Variants in MKNK2 observed in about 807,000 individuals in gnomAD.
MKNK2 encodes MAP kinase-interacting serine/threonine-protein kinase 2.
A neutral mutation model predicts 55.0 loss-of-function variants in MKNK2; 54 were observed. The observed-to-expected ratio is 0.98, with a 90% CI of 0.79 to 1.23. The LOEUF (loss-of-function observed/expected upper bound fraction) is 1.23. Ranked by LOEUF, MKNK2 falls within the 50% of genes most tolerant of loss-of-function variation. The pLI, the probability that MKNK2 is intolerant of heterozygous loss-of-function variation, is 0.00. For synonymous variants in MKNK2, 323 were observed against 256.0 expected (o/e 1.26, Z -2.50); for missense variants, 685 against 632.1 (o/e 1.08, Z -0.90).
In MKNK2 at chr19:2,038,785, C is replaced by G. The variant is rs2016809630; in HGVS notation, c.*828G>C. ...GGCTGACAGTGCCTGTCCAGCCCCT[C>G]TGCCTGCTGCGGTGGAAACGGCTTC... is the stretch of plus-strand genomic sequence containing the variant. On this transcript the variant is annotated 3_prime_UTR_variant, in exon 14 of 14. Coordinates refer to ENST00000250896, the MANE Select transcript of MKNK2 (RefSeq NM_199054.3). 2 of 985,612 alleles carry G rather than the reference C, an allele frequency of 2.0e-6. No individual in the cohort carries two copies. The highest frequency in any genetic ancestry group is 2.4e-6 in the Non-Finnish European group (2 of 829,868). The allele number at this position is 985,612 out of a possible 1,614,324, so 61.1% of individuals were successfully genotyped here. A position where few individuals can be genotyped will look rare whatever the true frequency, so the allele number is the denominator to read the frequency against.
At chr19:2,043,304 C>T (rs543944780) in intron 6 of MKNK2, 107 bp from the exon 7 acceptor site, 81 of 1,083,828 alleles carry the variant, frequency 7.5e-5, no homozygotes, top group Middle Eastern at 2.1e-4. Flanking sequence ...GCCTGTCCAC[C>T]GGAAGCTGGG....
rs1298969107 is a variant in MKNK2 at position 2,038,254 on chromosome 19, T to G, written c.*1359A>C. The G allele has an allele frequency of 1.0e-6, 1 of 987,590 alleles. No homozygotes were observed. The highest frequency in any genetic ancestry group is 1.8e-5 in the African/African-American group (1 of 57,088). 61.2% of individuals were successfully genotyped at this position (987,590 alleles called of 1,614,324 possible). On this transcript the variant is annotated 3_prime_UTR_variant, in exon 14 of 14. Coordinates refer to ENST00000250896, the MANE Select transcript of MKNK2 (RefSeq NM_199054.3). Reference sequence around the variant, plus strand: ...AAAGTCCATCGATGTGTTGTTTTTTTTTAAGGAAAAACTAAAAAACTAAAC... The same window carrying G: ...AAAGTCCATCGATGTGTTGTTTTTTGTTAAGGAAAAACTAAAAAACTAAAC...
Position 2,042,897 on chromosome 19 carries a change from A to G in MKNK2, c.494-27T>C, listed in dbSNP as rs375287542. 30 of 1,548,468 alleles carry G rather than the reference A, an allele frequency of 1.9e-5. 1 individual carries two copies. The Middle Eastern group carries it at 1.1e-3, about 58-fold the overall frequency. ...TGGGCAGGGCAGGGCAGGGCAGGAC[A>G]GGGGGAACACGCAGGTCACCTCAAA... On this transcript the variant is annotated intron_variant, in intron 7 of 13. Coordinates refer to ENST00000250896, the MANE Select transcript of MKNK2 (RefSeq NM_199054.3).
intron 12 of MKNK2, 164 bp downstream of exon 12, chr19:2,040,876 G>A: frequency 2.8e-6 from 2 of 706,450 alleles, no homozygotes; most frequent in Non-Finnish European, 4.6e-6. Context: ...GGCGGGCGGT[G>A]GGGATTTCGG....
At chr19:2,043,022 G>C in intron 7 of MKNK2, 102 bp downstream of exon 7, 2 of 1,301,280 alleles carry the variant, frequency 1.5e-6, no homozygotes, top group Non-Finnish European at 2.2e-6. Flanking sequence ...CATTTGGGCA[G>C]GACACTCACC....
At chr19:2,040,738 G>C in intron 12 of MKNK2, 1 of 452,524 alleles carries the variant, frequency 2.2e-6, no homozygotes, top group Admixed American at 3.8e-5. Context: ...TGGGGTCTAT[G>C]TGAGCTGGGC....
Position 2,038,569 on chromosome 19 carries a change from ACTGCC to A in MKNK2, c.*1039_*1043del. On this transcript the variant is annotated 3_prime_UTR_variant, in exon 14 of 14. Transcript: ENST00000250896. Reference sequence around the variant, plus strand: ...TTCCTGAAGGTGGCAGACCAAAAACACTGCCCTGGGGGTGAGGATTCGGCCAGACC... The same window carrying A: ...TTCCTGAAGGTGGCAGACCAAAAACACTGGGGGTGAGGATTCGGCCAGACC... 1.0e-6 allele frequency: 1 copy of A among 985,452 alleles called. No individual in the cohort carries two copies. The highest frequency in any genetic ancestry group is 1.2e-6 in the Non-Finnish European group (1 of 829,992). The allele number at this position is 985,452 out of a possible 1,614,324, so 61.0% of individuals were successfully genotyped here. A position where few individuals can be genotyped will look rare whatever the true frequency, so the allele number is the denominator to read the frequency against.
In MKNK2 at chr19:2,038,118, C is replaced by A; in HGVS notation, c.*1495G>T. 9.2e-7 allele frequency: 1 copy of A among 1,090,702 alleles called. No individual in the cohort carries two copies. Among genetic ancestry groups the A allele is most frequent in the Non-Finnish European group, 1.1e-6 (1 of 897,054 alleles). 67.6% of individuals were successfully genotyped at this position (1,090,702 alleles called of 1,614,324 possible). A position where few individuals can be genotyped will look rare whatever the true frequency, so the allele number is the denominator to read the frequency against. On this transcript the variant is annotated 3_prime_UTR_variant, in exon 14 of 14. Coordinates refer to ENST00000250896, the MANE Select transcript of MKNK2 (RefSeq NM_199054.3). ...GCAGAGCACCCCCACGGCCACCGGACTGTGACCATCATACGAGATTCAGGA... is the reference window on the plus strand; with the variant it reads ...GCAGAGCACCCCCACGGCCACCGGAATGTGACCATCATACGAGATTCAGGA...
rs770775499 is a variant in MKNK2, at chr19:2,043,476, G to C, written c.419+27C>G. ...ATCCACTGAAAGACAGCTCAGGCCAGTGCGGTGGCAAGGGTGGCTCACCTA... is the reference window on the plus strand; with the variant it reads ...ATCCACTGAAAGACAGCTCAGGCCACTGCGGTGGCAAGGGTGGCTCACCTA... On this transcript the variant is annotated intron_variant, in intron 6 of 13. Transcript: ENST00000250896. The C allele has an allele frequency of 1.9e-6, 3 of 1,602,190 alleles. No individual in the cohort carries two copies. The African/African-American group carries it at 4.0e-5, about 21-fold the overall frequency.
Position 2,041,125 on chromosome 19 carries a change from T to C in MKNK2, c.1025A>G (p.Lys342Arg). Reference protein sequence around the residue: ...KDWAHISCAAKDLISKLLVRD... With the variant: ...KDWAHISCAARDLISKLLVRD... ...GACCAGCAGCTTGGAGATGAGGTCTTTGGCAGCGCAGGAGATGTGGGCCCA... is the reference window on the plus strand; with the variant it reads ...GACCAGCAGCTTGGAGATGAGGTCTCTGGCAGCGCAGGAGATGTGGGCCCA... The change falls in exon 12 of 14, where the codon AAA (lysine) becomes AGA (arginine). Residue 342 changes from lysine (K) to arginine (R), a missense_variant. By Grantham distance (26) the Lys-to-Arg change is conservative (BLOSUM62 2). Transcript: ENST00000250896. The C allele has an allele frequency of 6.2e-7, 1 of 1,614,018 alleles. No homozygotes were observed. Among genetic ancestry groups the C allele is most frequent in the Non-Finnish European group, 8.5e-7 (1 of 1,179,948 alleles).
At chr19:2,040,460 C>A (rs150482850) in intron 12 of MKNK2, 18 of 450,656 alleles carry the variant, frequency 4.0e-5, no homozygotes, top group Admixed American at 1.2e-4. Flanking sequence ...CCATCTCTCC[C>A]GGCTGTTCCC....
At chr19:2,049,908 G>GACACAC (rs139985045) in intron 2 of MKNK2, among the ~76,000 whole-genome samples, 4 of 151,860 alleles carry the variant, frequency 2.6e-5, no homozygotes, top group Non-Finnish European at 5.9e-5. Context: ...ACAAGACAGA[G>GACACAC]ACACACACAC....
rs771009548 is a variant in MKNK2 at position 2,039,594 on chromosome 19, C to CA, written c.*18dup. ...GATTGGGGGACGGGTGACCTATGTA[C>CA]AGAGGGGAGATGGGAGGGTCAGGCG... On this transcript the variant is annotated 3_prime_UTR_variant, in exon 14 of 14. Transcript: ENST00000250896. The CA allele has an allele frequency of 6.2e-7, 1 of 1,604,086 alleles. No individual in the cohort carries two copies. Among genetic ancestry groups the CA allele is most frequent in the Middle Eastern group, 1.7e-4 (1 of 6,042 alleles).
Position 2,039,165 on chromosome 19 carries a change from T to C in MKNK2, c.*448A>G. 1 of 999,922 alleles carries C rather than the reference T, an allele frequency of 1.0e-6. No homozygotes were observed. The allele number at this position is 999,922 out of a possible 1,614,324, so 61.9% of individuals were successfully genotyped here. A position where few individuals can be genotyped will look rare whatever the true frequency, so the allele number is the denominator to read the frequency against. ...AGCCTGTCCCTGAAATACTGCGGGC[T>C]GGGAGGGAACACGAGGGCAGGGTCC... On this transcript the variant is annotated 3_prime_UTR_variant, in exon 14 of 14. Coordinates refer to ENST00000250896, the MANE Select transcript of MKNK2 (RefSeq NM_199054.3).
Position 2,039,619 on chromosome 19 carries a change from G to T in MKNK2, c.1392C>A (p.His464Gln). Reference protein sequence around the residue: ...SSAPVVLVGDHA With the variant: ...SSAPVVLVGDQA Reference sequence around the variant, plus strand: ...CAGAGGGGAGATGGGAGGGTCAGGCGTGGTCTCCCACCAGGACCACTGGGG... The same window carrying T: ...CAGAGGGGAGATGGGAGGGTCAGGCTTGGTCTCCCACCAGGACCACTGGGG... The change falls in exon 14 of 14, where the codon CAC becomes CAA. Residue 464 changes from histidine to glutamine, a missense_variant. Coordinates refer to ENST00000250896, the MANE Select transcript of MKNK2 (RefSeq NM_199054.3). 6.2e-7 allele frequency: 1 copy of T among 1,611,114 alleles called. No homozygotes were observed. The highest frequency in any genetic ancestry group is 8.5e-7 in the Non-Finnish European group (1 of 1,178,948).
chr19:2,048,661 C>T (rs948769075), intron 2 of MKNK2, among the ~76,000 whole-genome samples: 2 of 152,106 alleles, frequency 1.3e-5, no homozygotes, highest in South Asian at 2.1e-4. Context: ...CGTGGGAGAC[C>T]CAAGGCCAGG....
chr19:2,047,417 G>C (rs964188416), intron 2 of MKNK2, among the ~76,000 whole-genome samples: 1 of 152,150 alleles, frequency 6.6e-6, no homozygotes, highest in Non-Finnish European at 1.5e-5. Flanking sequence ...GGTGCATTGC[G>C]GGGAGGGGAC....
Position 2,046,599 on chromosome 19 carries a change from C to G in MKNK2, c.139+5G>C, listed in dbSNP as rs2017005168. 6.4e-7 allele frequency: 1 copy of G among 1,563,916 alleles called. No homozygotes were observed. Among genetic ancestry groups the G allele is most frequent in the Non-Finnish European group, 8.7e-7 (1 of 1,155,276 alleles). On this transcript the variant is annotated splice_donor_5th_base_variant and intron_variant, in intron 3 of 13. Coordinates refer to ENST00000250896, the MANE Select transcript of MKNK2 (RefSeq NM_199054.3). Reference sequence around the variant, plus strand: ...CTGTGCCCTCCTCCCCCTCGGGCCCCTCACCAGGGCGGGCTGAGCACTGCA... The same window carrying G: ...CTGTGCCCTCCTCCCCCTCGGGCCCGTCACCAGGGCGGGCTGAGCACTGCA...
At position 2,043,520 on chromosome 19, in the gene MKNK2, G is replaced by A. The variant is rs1469045429; in HGVS notation, c.402C>T (p.Tyr134=). 17 of 1,613,912 alleles carry A rather than the reference G, an allele frequency of 1.1e-5. No individual in the cohort carries two copies. The highest frequency in any genetic ancestry group is 8.5e-7 in the Non-Finnish European group (1 of 1,179,966). ...TCACCTACCTGTGTCCCTGGCACTG[G>A]TACAGCATCTCCACCTCCCTGAAAA... ...SRVFREVEML[Y]QCQGHRNVLE... The change falls in exon 6 of 14, where the codon TAC becomes TAT. Residue 134 remains tyrosine (Y), a synonymous_variant. Transcript: ENST00000250896.
Sources: gnomAD v4.1 joint callset for allele counts (sites outside exome capture counted in the v4.1 genomes callset) on GRCh38, gnomAD v4.1.1 for gene constraint, MANE v1.5 for transcripts, NCBI Gene and HGNC (gene_info 2026-07-23, HGNC 2026-07-21) for gene names.